EXOC6B: variants seen among roughly 807,000 people sequenced by gnomAD.
EXOC6B encodes exocyst complex component 6B.
A neutral mutation model predicts 113.5 loss-of-function variants in EXOC6B; 54 were observed. That is an observed-to-expected ratio of 0.48 (90% confidence interval 0.38 to 0.60). The LOEUF (loss-of-function observed/expected upper bound fraction) is 0.60, where lower values mean the gene tolerates loss of function less well. Ranked by LOEUF, EXOC6B falls within the 20% of genes least tolerant of loss-of-function variation. The probability of loss-of-function intolerance (pLI) is 0.00; values close to 1 mark genes in which losing one functional copy is unlikely to be tolerated. For synonymous variants in EXOC6B, 357 were observed against 339.0 expected (o/e 1.05, Z -0.58); for missense variants, 797 against 977.5 (o/e 0.82, Z 2.46).
chr2:72,700,532 G>A (rs1238579300), intron 6 of EXOC6B, among the ~76,000 whole-genome samples: 2 of 152,122 alleles, frequency 1.3e-5, no homozygotes, highest in African/African-American at 2.4e-5. Context: ...TCAGTAATGG[G>A]GTCGAAATTG....
rs1041654555 is a variant in EXOC6B at position 72,179,133 on chromosome 2, C to G, written c.*202G>C. 1 of 565,832 alleles carries G rather than the reference C, an allele frequency of 1.8e-6. No homozygotes were observed. Among genetic ancestry groups the G allele is most frequent in the Non-Finnish European group, 3.0e-6 (1 of 336,486 alleles). 35.1% of individuals were successfully genotyped at this position (565,832 alleles called of 1,614,324 possible). On this transcript the variant is annotated 3_prime_UTR_variant, in exon 22 of 22. Transcript: ENST00000272427. The stretch of plus-strand genomic sequence containing the variant: ...AGTAATAACTTCCCCTGAGTCCCAG[C>G]CTAGCAACATCTCATGTACTTGCTT...
chr2:72,610,305 A>T (rs1671001917), intron 6 of EXOC6B, among the ~76,000 whole-genome samples: 1 of 152,208 alleles, frequency 6.6e-6, no homozygotes, highest in Admixed American at 6.5e-5. Context: ...GAAGAGAACT[A>T]TTAAAATAGC....
intron 17 of EXOC6B, among the ~76,000 whole-genome samples, chr2:72,468,308 T>C (rs1573192716): frequency 2.0e-5 from 3 of 152,230 alleles, no homozygotes; most frequent in East Asian, 1.9e-4. Context: ...TAATCCATTT[T>C]ATGCTGATTT....
chr2:72,696,636 C>T (rs762721234), intron 6 of EXOC6B, among the ~76,000 whole-genome samples: 12 of 152,146 alleles, frequency 7.9e-5, no homozygotes, highest in Non-Finnish European at 1.3e-4. Context: ...CAAACCATAA[C>T]GCCACCATGC....
intron 1 of EXOC6B, among the ~76,000 whole-genome samples, chr2:72,822,412 T>A (rs944950244): frequency 6.6e-6 from 1 of 152,008 alleles, no homozygotes; most frequent in African/African-American, 2.4e-5. Flanking sequence ...AGAATTACAA[T>A]GAAAAAGAAG....
chr2:72,542,939 A>C (rs1702688902), intron 8 of EXOC6B, among the ~76,000 whole-genome samples: 2 of 152,178 alleles, frequency 1.3e-5, no homozygotes, highest in African/African-American at 4.8e-5. Context: ...AGGGAAAGGA[A>C]GCAAAATGTG....
rs375651427 is a variant in EXOC6B at position 72,465,233 on chromosome 2, T to G, written c.1907A>C (p.Asn636Thr). Residue 636 changes from asparagine (N) to threonine (T), a missense_variant, in exon 18 of 22, where the codon AAC becomes ACC. Transcript: ENST00000272427. ...GTCTACCAGGTAATCACTAGCTTTG[T>G]TGCCCAAATCTCCGGTCATCCAGTC... ...DYDWMTGDLG[N>T]KASDYLVDLI... 8 of 1,611,616 alleles carry G rather than the reference T, an allele frequency of 5.0e-6. No homozygotes were observed. The African/African-American group carries it at 9.3e-5, about 19-fold the overall frequency.
At chr2:72,545,379 T>C (rs1221164878) in intron 8 of EXOC6B, among the ~76,000 whole-genome samples, 1 of 152,128 alleles carries the variant, frequency 6.6e-6, no homozygotes, top group Non-Finnish European at 1.5e-5. Context: ...AAATCGACTA[T>C]CGAAAATACA....
At chr2:72,300,847 C>T (rs1416057791) in intron 20 of EXOC6B, among the ~76,000 whole-genome samples, 1 of 152,108 alleles carries the variant, frequency 6.6e-6, no homozygotes, top group African/African-American at 2.4e-5. Flanking sequence ...AATTACCCTC[C>T]GTGGGCTGCA....
chr2:72,709,076 G>T, intron 6 of EXOC6B, among the ~76,000 whole-genome samples: 1 of 151,224 alleles, frequency 6.6e-6, no homozygotes. Flanking sequence ...AACTACTTTA[G>T]GGTTATTTGC....
At chr2:72,664,151 A>G (rs918138086) in intron 6 of EXOC6B, among the ~76,000 whole-genome samples, 1 of 152,112 alleles carries the variant, frequency 6.6e-6, no homozygotes, top group Non-Finnish European at 1.5e-5. Flanking sequence ...CAACAAAATA[A>G]TTTTTTTAAA....
At chr2:72,685,651 GT>G (rs777404155) in intron 6 of EXOC6B, among the ~76,000 whole-genome samples, 14 of 152,252 alleles carry the variant, frequency 9.2e-5, no homozygotes, top group Non-Finnish European at 1.5e-4. Context: ...TCTACTCTAA[GT>G]ACAACCAGAA....
rs1350554819 is a variant in EXOC6B, at chr2:72,825,089, A to G, written c.113+709T>C. Among the ~76,000 whole-genome samples, 1 of 152,194 alleles carries G rather than the reference A, an allele frequency of 6.6e-6. No homozygotes were observed. Among genetic ancestry groups the G allele is most frequent in the African/African-American group, 2.4e-5 (1 of 41,436 alleles). Reference sequence around the variant, plus strand: ...AACAAGTGCTACCTAAATTTGTTAAATAAGTTGAGGTAAGTAGGGATTTCT... The same window carrying G: ...AACAAGTGCTACCTAAATTTGTTAAGTAAGTTGAGGTAAGTAGGGATTTCT... On this transcript the variant is annotated intron_variant, in intron 1 of 21. Transcript: ENST00000272427. The surrounding 1 kb of genome is among the most constrained non-coding windows in gnomAD (Gnocchi z 4.4).
At chr2:72,604,860 T>A (rs930085808) in intron 6 of EXOC6B, among the ~76,000 whole-genome samples, 1 of 152,178 alleles carries the variant, frequency 6.6e-6, no homozygotes, top group African/African-American at 2.4e-5. Context: ...TTACTGACAA[T>A]TAAACAACAT....
At chr2:72,202,729 T>G (rs1679563984) in intron 20 of EXOC6B, among the ~76,000 whole-genome samples, 1 of 152,232 alleles carries the variant, frequency 6.6e-6, no homozygotes, top group South Asian at 2.1e-4. Context: ...AAAAATCACC[T>G]TGTTTTAGCC....
rs746947544 is a variant in EXOC6B, at chr2:72,496,534, T to C, written c.1363A>G (p.Ser455Gly). The change falls in exon 14 of 22, where the codon AGT becomes GGT. Residue 455 changes from serine (S) to glycine (G), a missense_variant. By Grantham distance (56) the Ser-to-Gly change is moderately conservative (BLOSUM62 0). Coordinates refer to ENST00000272427, the MANE Select transcript of EXOC6B (RefSeq NM_015189.3). Reference sequence around the variant, plus strand: ...TCTTCACTTGTTACTGGTATAGGACTGTAGTTGTCAGAATCAAGTATGTTT... The same window carrying C: ...TCTTCACTTGTTACTGGTATAGGACCGTAGTTGTCAGAATCAAGTATGTTT... ...FRNILDSDNY[S>G]PIPVTSEEMY... 54 of 1,593,784 alleles carry C rather than the reference T, an allele frequency of 3.4e-5. No individual in the cohort carries two copies. Among genetic ancestry groups the C allele is most frequent in the Non-Finnish European group, 4.5e-5 (52 of 1,167,604 alleles).
At chr2:72,255,586 T>A (rs1013924165) in intron 20 of EXOC6B, among the ~76,000 whole-genome samples, 1 of 152,198 alleles carries the variant, frequency 6.6e-6, no homozygotes, top group Non-Finnish European at 1.5e-5. Context: ...TTCCCCCTTT[T>A]GGAATGAAAA....
At chr2:72,535,272 C>A (rs574699933) in intron 8 of EXOC6B, among the ~76,000 whole-genome samples, 115 of 152,152 alleles carry the variant, frequency 7.6e-4, no homozygotes, top group African/African-American at 2.5e-3. Context: ...ATAAAATGTA[C>A]CTGCAACAAA....
rs146157745 is a variant in EXOC6B at position 72,565,857 on chromosome 2, T to C, written c.847-6336A>G. ...CATTGCTGGGGTGGGTGGTGGGGTATAGAAAATAGTACAACCCCTATGGAG... is the reference window on the plus strand; with the variant it reads ...CATTGCTGGGGTGGGTGGTGGGGTACAGAAAATAGTACAACCCCTATGGAG... On this transcript the variant is annotated intron_variant, in intron 7 of 21. Transcript: ENST00000272427. Among the ~76,000 whole-genome samples, 722 of 152,204 alleles carry C rather than the reference T, an allele frequency of 4.7e-3. 3 individuals are homozygous for C. Among genetic ancestry groups the C allele is most frequent in the African/African-American group, 0.016 (659 of 41,536 alleles).
Sources: gnomAD v4.1 joint callset for allele counts (sites outside exome capture counted in the v4.1 genomes callset) on GRCh38, gnomAD v4.1.1 for gene constraint, Gnocchi (gnomAD v3.1) non-coding constraint, MANE v1.5 for transcripts, NCBI Gene and HGNC (gene_info 2026-07-23, HGNC 2026-07-21) for gene names.